Variants in RAF1 observed in about 807,000 individuals in gnomAD.
The protein encoded by RAF1 is Raf-1 proto-oncogene, serine/threonine kinase.
RAF1 carries 27 observed loss-of-function variants against 81.1 expected under a neutral mutation model. That is an observed-to-expected ratio of 0.33 (90% CI 0.25 to 0.46). The LOEUF (loss-of-function observed/expected upper bound fraction) is 0.46. RAF1 is among the 20% of genes least tolerant of loss of function. RAF1 has a pLI of 1.00. For synonymous variants in RAF1, 298 were observed against 294.0 expected (o/e 1.01, Z -0.14); for missense variants, 598 against 826.0 (o/e 0.72, Z 3.38).
intron 1 of RAF1, among the ~76,000 whole-genome samples, chr3:12,656,059 A>G (rs2125580254): frequency 6.7e-6 from 1 of 149,778 alleles, no homozygotes; most frequent in South Asian, 2.1e-4. Context: ...ACACACACAC[A>G]CACCCCACCC....
chr3:12,595,332 A>C (rs1014246955), intron 11 of RAF1, among the ~76,000 whole-genome samples: 1 of 152,116 alleles, frequency 6.6e-6, no homozygotes, highest in Non-Finnish European at 1.5e-5. Flanking sequence ...TCAGCCTCCT[A>C]AAGTGTTGGG....
intron 1 of RAF1, among the ~76,000 whole-genome samples, chr3:12,659,627 A>C (rs2060814441): frequency 7.3e-6 from 1 of 136,292 alleles, no homozygotes; most frequent in African/African-American, 2.7e-5. Flanking sequence ...TAATTTATTC[A>C]AGGTAAGTAA....
intron 11 of RAF1, among the ~76,000 whole-genome samples, chr3:12,592,718 A>G (rs1471762157): frequency 6.7e-6 from 1 of 149,492 alleles, no homozygotes; most frequent in African/African-American, 2.5e-5. Flanking sequence ...GAGTGCTATA[A>G]ATTTAAAAGC....
rs780748573 is a variant in RAF1 at position 12,618,499 on chromosome 3, T to A, written c.207+16A>T. ...CAGATAAATAGCTAAATTTCCTAAG[T>A]AGAATGTTCACATACCACTGTTCTT... is the stretch of plus-strand genomic sequence containing the variant. On this transcript the variant is annotated intron_variant, in intron 2 of 17. Coordinates refer to ENST00000442415, the MANE Select transcript of RAF1 (RefSeq NM_001354689.3). 1 of 1,613,774 alleles carries A rather than the reference T, an allele frequency of 6.2e-7. No homozygotes were observed. Among genetic ancestry groups the A allele is most frequent in the South Asian group, 1.1e-5 (1 of 91,068 alleles).
At chr3:12,663,619 G>A (rs1384916510) in intron 1 of RAF1, among the ~76,000 whole-genome samples, 194 bp downstream of exon 1, 4 of 151,692 alleles carry the variant, frequency 2.6e-5, no homozygotes, top group Non-Finnish European at 4.4e-5. Context: ...AACTCGGCTC[G>A]CCGGCCATGA....
chr3:12,604,313 T>C (rs2058959710), intron 6 of RAF1, 24 bp from the exon 7 acceptor site: 5 of 1,610,228 alleles, frequency 3.1e-6, no homozygotes, highest in Non-Finnish European at 3.4e-6. Context: ...GAAAATTCCA[T>C]GATTGGCACT....
At chr3:12,635,047 C>G (rs1575633074) in intron 1 of RAF1, among the ~76,000 whole-genome samples, 1 of 152,138 alleles carries the variant, frequency 6.6e-6, no homozygotes. Context: ...TCTACTAGGG[C>G]AGCCACGATG....
chr3:12,663,627 T>C (rs2060954415), intron 1 of RAF1, among the ~76,000 whole-genome samples, 186 bp downstream of exon 1: 1 of 149,800 alleles, frequency 6.7e-6, no homozygotes, highest in Non-Finnish European at 1.5e-5. Flanking sequence ...TCGCCGGCCA[T>C]GACACCGGAC....
At chr3:12,593,523 T>C (rs900360201) in intron 11 of RAF1, among the ~76,000 whole-genome samples, 38 of 152,212 alleles carry the variant, frequency 2.5e-4, no homozygotes, top group African/African-American at 8.9e-4. Flanking sequence ...AAAGTGGCTC[T>C]CATCCAGTTA....
Position 12,645,546 on chromosome 3 carries a change from A to G in RAF1, c.-27+18267T>C, listed in dbSNP as rs5746169. Among the ~76,000 whole-genome samples the G allele has an allele frequency of 2.0e-3, 298 of 152,264 alleles. 1 individual carries two copies. The highest frequency in any genetic ancestry group is 6.3e-3 in the African/African-American group (261 of 41,550). Reference sequence around the variant, plus strand: ...TTTATTGTTTAATGATGTTACTATTACCTTTAAAATTTTTGTTTGTTTTTC... The same window carrying G: ...TTTATTGTTTAATGATGTTACTATTGCCTTTAAAATTTTTGTTTGTTTTTC... On this transcript the variant is annotated intron_variant, in intron 1 of 17. Coordinates refer to ENST00000442415, the MANE Select transcript of RAF1 (RefSeq NM_001354689.3).
intron 11 of RAF1, among the ~76,000 whole-genome samples, chr3:12,594,884 G>A (rs1416210366): frequency 6.6e-6 from 1 of 152,136 alleles, no homozygotes; most frequent in Non-Finnish European, 1.5e-5. Context: ...CGTTAACACA[G>A]TTATGGTAAC....
chr3:12,662,998 G>T (rs966227689), intron 1 of RAF1, among the ~76,000 whole-genome samples: 2 of 151,954 alleles, frequency 1.3e-5, no homozygotes, highest in African/African-American at 2.4e-5. Flanking sequence ...ACATCTCAAG[G>T]ATACACTAAG....
chr3:12,656,271 T>G (rs2125580886), intron 1 of RAF1, among the ~76,000 whole-genome samples: 1 of 152,022 alleles, frequency 6.6e-6, no homozygotes, highest in Admixed American at 6.6e-5. Context: ...TTCTTCCATA[T>G]CTAAAACCTA....
At chr3:12,607,222 G>A (rs1199333354) in intron 5 of RAF1, among the ~76,000 whole-genome samples, 2 of 152,082 alleles carry the variant, frequency 1.3e-5, no homozygotes, top group East Asian at 3.9e-4. Context: ...AATTTCACAG[G>A]TTATGTCAGC....
At chr3:12,593,072 C>T (rs1181817710) in intron 11 of RAF1, among the ~76,000 whole-genome samples, 1 of 147,980 alleles carries the variant, frequency 6.8e-6, no homozygotes, top group Non-Finnish European at 1.5e-5. Context: ...TCTGGAGCCT[C>T]TCTGTTGGAG....
intron 1 of RAF1, among the ~76,000 whole-genome samples, chr3:12,650,231 G>A (rs2060481367): frequency 1.3e-5 from 2 of 149,862 alleles, no homozygotes; most frequent in African/African-American, 4.9e-5. Context: ...GGCTAAGATA[G>A]AAGGATTGTC....
At chr3:12,642,404 G>C (rs141934249) in intron 1 of RAF1, among the ~76,000 whole-genome samples, 2,819 of 150,918 alleles carry the variant, frequency 0.019, 83 homozygotes, top group African/African-American at 0.065. Flanking sequence ...AGCTAGTCGG[G>C]AGGCTGAGGC....
intron 1 of RAF1, among the ~76,000 whole-genome samples, chr3:12,621,712 G>A (rs1360053196): frequency 3.3e-5 from 5 of 151,970 alleles, no homozygotes; most frequent in African/African-American, 1.2e-4. Flanking sequence ...GAAAAACTGT[G>A]GTAAAGACCA....
At chr3:12,609,110 A>T (rs1219663938) in intron 4 of RAF1, 123 bp downstream of exon 4, 1 of 1,035,396 alleles carries the variant, frequency 9.7e-7, no homozygotes. Flanking sequence ...TGTAAACAAC[A>T]GCATAAAGAA....
Sources: allele counts gnomAD v4.1 joint callset (sites outside exome capture counted in the v4.1 genomes callset), GRCh38; gene constraint gnomAD v4.1.1; transcripts MANE v1.5; gene names NCBI Gene and HGNC (gene_info 2026-07-23, HGNC 2026-07-21).